The following FGGY variants were observed in gnomAD, a reference collection of about 807,000 sequenced individuals.
FGGY encodes the protein FGGY carbohydrate kinase domain containing, also known as FGGY carbohydrate kinase domain-containing protein.
Under a neutral mutation model 71.3 loss-of-function variants are expected in FGGY, and 72 were observed. The observed-to-expected ratio is 1.01, with a 90% CI of 0.84 to 1.23. FGGY has a LOEUF of 1.23. Among genes scored for constraint, FGGY ranks in the 50% most tolerant of loss-of-function variants. The probability of loss-of-function intolerance (pLI) is 0.00; values close to 1 mark genes in which losing one functional copy is unlikely to be tolerated. For synonymous variants in FGGY, 251 were observed against 250.3 expected, an observed-to-expected ratio of 1.00 and a Z score of -0.02; for missense variants, 668 against 682.3, an observed-to-expected ratio of 0.98 and a Z score of 0.23.
At chr1:59,301,706 CTTTTTTTTTTTTTTT>C (rs34290988) in intron 1 of FGGY, among the ~76,000 whole-genome samples, 2 of 54,964 alleles carry the variant, frequency 3.6e-5, no homozygotes, top group African/African-American at 1.5e-4. Context: ...TGTGATCATT[CTTTTTTTTTTTTTTT>C]TTTTTTTTTG....
Position 59,638,270 on chromosome 1 carries a change from G to C in FGGY, c.1116G>C (p.Leu372=). Residue 372 remains leucine, a synonymous_variant, in exon 11 of 16, where the codon CTG becomes CTC. Transcript: ENST00000303721. ...CATATTTGAACAGTCACCTGGATCT[G>C]ATTAAGAAGGCTCAGCCTGTGGGTT... ...IYAYLNSHLD[L]IKKAQPVGFL... 4 of 1,614,202 alleles carry C rather than the reference G, an allele frequency of 2.5e-6. No homozygotes were observed. The highest frequency in any genetic ancestry group is 3.4e-6 in the Non-Finnish European group (4 of 1,180,038).
chr1:59,759,271 A>T (rs150149064), intron 15 of FGGY, among the ~76,000 whole-genome samples: 2 of 152,244 alleles, frequency 1.3e-5, no homozygotes, highest in East Asian at 1.9e-4. Flanking sequence ...TTAACTCCAC[A>T]TAGAGTCAGG....
intron 5 of FGGY, among the ~76,000 whole-genome samples, chr1:59,379,107 G>A (rs1275643930): frequency 1.3e-5 from 2 of 151,150 alleles, no homozygotes; most frequent in Non-Finnish European, 2.9e-5. Flanking sequence ...AATCCAGAGT[G>A]AAATGTGGAT....
At chr1:59,534,432 C>G (rs1412592372) in intron 7 of FGGY, among the ~76,000 whole-genome samples, 1 of 152,080 alleles carries the variant, frequency 6.6e-6, no homozygotes, top group Non-Finnish European at 1.5e-5. Flanking sequence ...GGAGAACTCC[C>G]CCAATCTAGC....
intron 6 of FGGY, among the ~76,000 whole-genome samples, chr1:59,497,787 C>T (rs2094089229): frequency 6.6e-6 from 1 of 152,144 alleles, no homozygotes; most frequent in South Asian, 2.1e-4. Flanking sequence ...GTTGGCTCAC[C>T]CTTCCTGGAA....
chr1:59,618,192 AATAG>A (rs556663662), intron 9 of FGGY, among the ~76,000 whole-genome samples: 1 of 152,138 alleles, frequency 6.6e-6, no homozygotes, highest in African/African-American at 2.4e-5. Flanking sequence ...AGGACATAAA[AATAG>A]ATAGTACAAT....
At chr1:59,611,831 C>T (rs976713777) in intron 9 of FGGY, among the ~76,000 whole-genome samples, 2 of 152,164 alleles carry the variant, frequency 1.3e-5, no homozygotes, top group African/African-American at 4.8e-5. Flanking sequence ...AAAACCATGG[C>T]ACGAGAACTA....
In FGGY at chr1:59,653,758, C is replaced by T. The variant is rs151277455; in HGVS notation, c.1222-6461C>T. ...GCTGTAGACTGGAGCTGTTCCTATT[C>T]GGCCATCTTGGCTCCTCCTCCTGCC... On this transcript the variant is annotated intron_variant, in intron 11 of 15. Transcript: ENST00000303721. Among the ~76,000 whole-genome samples the T allele has an allele frequency of 4.4e-3, 675 of 152,312 alleles. 7 individuals are homozygous for T. The highest frequency in any genetic ancestry group is 0.015 in the African/African-American group (643 of 41,572).
At chr1:59,435,411 G>A (rs1439226017) in intron 5 of FGGY, among the ~76,000 whole-genome samples, 1 of 152,038 alleles carries the variant, frequency 6.6e-6, no homozygotes, top group Admixed American at 6.5e-5. Context: ...AACTTTGATC[G>A]TGGCACAGAC....
chr1:59,576,927 G>C (rs1457001691), intron 8 of FGGY, among the ~76,000 whole-genome samples: 1 of 152,078 alleles, frequency 6.6e-6, no homozygotes, highest in Non-Finnish European at 1.5e-5. Flanking sequence ...CTGTTCACTT[G>C]CCATTGGATA....
intron 5 of FGGY, among the ~76,000 whole-genome samples, chr1:59,419,359 T>C (rs903633286): frequency 6.6e-6 from 1 of 152,196 alleles, no homozygotes; most frequent in African/African-American, 2.4e-5. Context: ...ATCTTGCTAA[T>C]TGCATCAGTA....
chr1:59,569,699 C>T (rs779360695), intron 8 of FGGY, among the ~76,000 whole-genome samples: 7 of 152,060 alleles, frequency 4.6e-5, no homozygotes, highest in Non-Finnish European at 8.8e-5. Flanking sequence ...TTTTTGTGAC[C>T]GTAAGAGCTA....
rs150801810 is a variant in FGGY at position 59,461,559 on chromosome 1, A to G, written c.670+4483A>G. ...AGGCCAACATTCAAATTCAGGAAAT[A>G]CAGATAACACCACAAAGATACTCCT... On this transcript the variant is annotated intron_variant, in intron 6 of 15. Transcript: ENST00000303721. Among the ~76,000 whole-genome samples, 898 of 152,308 alleles carry G rather than the reference A, an allele frequency of 5.9e-3. 10 individuals are homozygous for G. The highest frequency in any genetic ancestry group is 0.021 in the African/African-American group (869 of 41,562).
intron 1 of FGGY, among the ~76,000 whole-genome samples, chr1:59,306,076 CTG>C (rs2043394314): frequency 6.6e-6 from 1 of 152,150 alleles, no homozygotes; most frequent in Admixed American, 6.5e-5. Flanking sequence ...TTTCCCATCT[CTG>C]TGTGATTACT....
chr1:59,695,472 G>A (rs958787388), intron 14 of FGGY, among the ~76,000 whole-genome samples: 3 of 152,192 alleles, frequency 2.0e-5, no homozygotes, highest in African/African-American at 7.2e-5. Context: ...CTTGGTAGAT[G>A]CAATGAGAGT....
chr1:59,459,637 T>A (rs115224484), intron 6 of FGGY, among the ~76,000 whole-genome samples: 2,967 of 152,288 alleles, frequency 0.019, 46 homozygotes, highest in Non-Finnish European at 0.029. Context: ...TAATTCCACA[T>A]GAATAATTCC....
At chr1:59,321,257 T>G (rs1000883457) in intron 1 of FGGY, among the ~76,000 whole-genome samples, 5 of 152,318 alleles carry the variant, frequency 3.3e-5, no homozygotes, top group African/African-American at 1.2e-4. Flanking sequence ...CTTACAGCAC[T>G]CATCACAACT....
chr1:59,407,232 G>C (rs2062898558), intron 5 of FGGY, among the ~76,000 whole-genome samples: 1 of 152,166 alleles, frequency 6.6e-6, no homozygotes, highest in African/African-American at 2.4e-5. Context: ...GCTGATGGGT[G>C]GAAGAAGCTT....
At chr1:59,563,858 A>G (rs182127640) in intron 8 of FGGY, among the ~76,000 whole-genome samples, 2 of 152,308 alleles carry the variant, frequency 1.3e-5, no homozygotes, top group African/African-American at 4.8e-5. Context: ...GACCCATGGA[A>G]CAGAAGAGAG....
Sources: gnomAD v4.1 joint callset for allele counts (sites outside exome capture counted in the v4.1 genomes callset) on GRCh38, gnomAD v4.1.1 for gene constraint, MANE v1.5 for transcripts, NCBI Gene and HGNC (gene_info 2026-07-23, HGNC 2026-07-21) for gene names.